The following SPOCK1 variants were observed in gnomAD, a reference collection of about 807,000 sequenced individuals.
SPOCK1 encodes SPARC (osteonectin), cwcv and kazal like domains proteoglycan 1, also known as testican-1.
A neutral mutation model predicts 55.3 loss-of-function variants in SPOCK1; 23 were observed. The observed-to-expected ratio is 0.42, with a 90% confidence interval of 0.30 to 0.59. The LOEUF (loss-of-function observed/expected upper bound fraction) is 0.59. Ranked by LOEUF, SPOCK1 falls within the 20% of genes least tolerant of loss-of-function variation. The probability of loss-of-function intolerance (pLI) is 0.22; values close to 1 mark genes in which losing one functional copy is unlikely to be tolerated. For missense variants in SPOCK1, 499 were observed against 552.5 expected (o/e 0.90, Z 0.97); for synonymous variants, 226 against 221.0 (o/e 1.02, Z -0.20).
chr5:137,353,792 G>A (rs1050986465), intron 2 of SPOCK1, among the ~76,000 whole-genome samples: 2 of 152,116 alleles, frequency 1.3e-5, no homozygotes, highest in Admixed American at 6.5e-5. Context: ...GGGGCAAGCC[G>A]AGGTGTCCCC....
intron 2 of SPOCK1, among the ~76,000 whole-genome samples, chr5:137,354,349 C>T (rs1750744738): frequency 6.6e-6 from 1 of 152,276 alleles, no homozygotes; most frequent in South Asian, 2.1e-4. Context: ...CCTCACCCCA[C>T]TCCTCAAGAA....
intron 3 of SPOCK1, among the ~76,000 whole-genome samples, chr5:137,265,940 C>T (rs1263935604): frequency 6.6e-6 from 1 of 152,086 alleles, no homozygotes; most frequent in Non-Finnish European, 1.5e-5. Flanking sequence ...GTGCATACAG[C>T]GAAAGCTCAA....
At chr5:137,305,235 T>C (rs964224421) in intron 2 of SPOCK1, among the ~76,000 whole-genome samples, 1 of 152,220 alleles carries the variant, frequency 6.6e-6, no homozygotes, top group Non-Finnish European at 1.5e-5. Context: ...GATAAGCATC[T>C]AGTGGTTGTC....
At chr5:137,269,759 C>T (rs1756923760) in intron 2 of SPOCK1, among the ~76,000 whole-genome samples, 1 of 152,020 alleles carries the variant, frequency 6.6e-6, no homozygotes, top group South Asian at 2.1e-4. Context: ...TAGAGCTTCA[C>T]CTCCTGAAAA....
At chr5:137,227,516 A>T (rs2127091518) in intron 3 of SPOCK1, among the ~76,000 whole-genome samples, 1 of 152,324 alleles carries the variant, frequency 6.6e-6, no homozygotes, top group South Asian at 2.1e-4. Flanking sequence ...GAAACAGATA[A>T]GAGTCTTTGA....
chr5:137,182,057 C>T (rs992676514), intron 3 of SPOCK1, among the ~76,000 whole-genome samples: 1 of 152,316 alleles, frequency 6.6e-6, no homozygotes, highest in South Asian at 2.1e-4. Flanking sequence ...GATCAATGCA[C>T]AGCTAAAGAG....
chr5:137,302,377 G>A (rs1757611197), intron 2 of SPOCK1, among the ~76,000 whole-genome samples: 1 of 149,724 alleles, frequency 6.7e-6, no homozygotes, highest in Non-Finnish European at 1.5e-5. Flanking sequence ...AGACCATCCT[G>A]GCCAACACAG....
rs1476426572 is a variant in SPOCK1 at position 137,132,023 on chromosome 5, A to T, written c.347+8557T>A. On this transcript the variant is annotated intron_variant, in intron 4 of 10. Transcript: ENST00000394945. ...ATATATATATATATATATATATAAA[A>T]AATTAGCTGGGCATGGTGGCAAGTG... Among the ~76,000 whole-genome samples the T allele has an allele frequency of 5.6e-5, 6 of 107,552 alleles. No homozygotes were observed. The East Asian group carries it at 9.2e-4, about 16-fold the overall frequency. The allele number at this position is 107,552 out of a possible 152,430, so 70.6% of individuals were successfully genotyped here.
At chr5:137,211,193 C>T (rs564583279) in intron 3 of SPOCK1, among the ~76,000 whole-genome samples, 1 of 152,296 alleles carries the variant, frequency 6.6e-6, no homozygotes, top group East Asian at 1.9e-4. Context: ...CAGTCTAGCT[C>T]CTACTATCCT....
intron 2 of SPOCK1, among the ~76,000 whole-genome samples, chr5:137,309,840 A>G (rs1232762332): frequency 1.3e-5 from 2 of 152,054 alleles, no homozygotes; most frequent in Non-Finnish European, 2.9e-5. Context: ...GAGGTGCTCA[A>G]ACAGTGAGTA....
intron 2 of SPOCK1, among the ~76,000 whole-genome samples, chr5:137,482,077 T>A (rs992249891): frequency 3.9e-5 from 6 of 152,100 alleles, no homozygotes; most frequent in Non-Finnish European, 8.8e-5. Context: ...CCATGCTGGA[T>A]GTCGGGGATA....
intron 2 of SPOCK1, among the ~76,000 whole-genome samples, chr5:137,431,156 A>G (rs915964056): frequency 6.6e-6 from 1 of 152,230 alleles, no homozygotes; most frequent in Non-Finnish European, 1.5e-5. Flanking sequence ...TGAGGCAAGG[A>G]CAGCAGCTAT....
chr5:137,023,707 A>G (rs1162528880), intron 6 of SPOCK1, among the ~76,000 whole-genome samples: 1 of 150,596 alleles, frequency 6.6e-6, no homozygotes, highest in Non-Finnish European at 1.5e-5. Flanking sequence ...TACCCTAATT[A>G]TCACGAGAGG....
At chr5:137,343,601 C>G (rs2127157205) in intron 2 of SPOCK1, among the ~76,000 whole-genome samples, 1 of 152,372 alleles carries the variant, frequency 6.6e-6, no homozygotes, top group East Asian at 1.9e-4. Context: ...AGCTCAGCCT[C>G]TCAGCCCCGT....
chr5:137,101,251 A>G (rs1208713198), intron 5 of SPOCK1, among the ~76,000 whole-genome samples: 1 of 152,240 alleles, frequency 6.6e-6, no homozygotes, highest in Non-Finnish European at 1.5e-5. Context: ...GTGTCTATTC[A>G]TTCTGGCCAG....
intron 3 of SPOCK1, among the ~76,000 whole-genome samples, chr5:137,264,230 G>A (rs1756803474): frequency 6.6e-6 from 1 of 152,096 alleles, no homozygotes; most frequent in Non-Finnish European, 1.5e-5. Context: ...TAGCAAGTAT[G>A]TTTTTGGGTT....
chr5:137,432,139 T>C (rs1355787237), intron 2 of SPOCK1, among the ~76,000 whole-genome samples: 2 of 151,942 alleles, frequency 1.3e-5, no homozygotes, highest in African/African-American at 4.8e-5. Flanking sequence ...TATGGAAAAA[T>C]TGTGCACCAC....
intron 3 of SPOCK1, among the ~76,000 whole-genome samples, chr5:137,240,244 T>C (rs984202289): frequency 6.6e-6 from 1 of 152,106 alleles, no homozygotes; most frequent in African/African-American, 2.4e-5. Flanking sequence ...TCTGAGACTG[T>C]GGTAATTTAT....
chr5:137,491,839 CA>C (rs1473999077), intron 2 of SPOCK1, among the ~76,000 whole-genome samples: 1 of 152,202 alleles, frequency 6.6e-6, no homozygotes, highest in Non-Finnish European at 1.5e-5. Context: ...TTAGGTTCTT[CA>C]GGAGGCATCC....
Sources: allele counts gnomAD v4.1 joint callset (sites outside exome capture counted in the v4.1 genomes callset), GRCh38; gene constraint gnomAD v4.1.1; transcripts MANE v1.5; gene names NCBI Gene and HGNC (gene_info 2026-07-23, HGNC 2026-07-21).